MCU: variants seen among roughly 807,000 people sequenced by gnomAD.
MCU encodes mitochondrial calcium uniporter, also known as calcium uniporter protein, mitochondrial.
A neutral mutation model predicts 45.2 loss-of-function variants in MCU; 12 were observed. The observed-to-expected ratio is 0.27, with a 90% CI of 0.17 to 0.43. The LOEUF (loss-of-function observed/expected upper bound fraction) is 0.43. Ranked by LOEUF, MCU falls within the 20% of genes least tolerant of loss-of-function variation. The pLI is 1.00. For synonymous variants in MCU, 160 were observed against 165.1 expected, an observed-to-expected ratio of 0.97 and a Z score of 0.24; for missense variants, 324 against 436.7, an observed-to-expected ratio of 0.74 and a Z score of 2.30.
At chr10:72,699,489 A>G (rs928163832) in intron 1 of MCU, among the ~76,000 whole-genome samples, 3 of 152,084 alleles carry the variant, frequency 2.0e-5, no homozygotes, top group Non-Finnish European at 2.9e-5. Flanking sequence ...CCTGGGTGAC[A>G]GAGCAACACT....
At chr10:72,826,506 G>A (rs757659673) in intron 1 of MCU, among the ~76,000 whole-genome samples, 1 of 152,166 alleles carries the variant, frequency 6.6e-6, no homozygotes. Flanking sequence ...ATATTGTTAT[G>A]TCAGCAAATG....
intron 2 of MCU, among the ~76,000 whole-genome samples, chr10:72,850,724 T>C (rs1432326691): frequency 6.6e-6 from 1 of 152,262 alleles, no homozygotes; most frequent in Non-Finnish European, 1.5e-5. Context: ...AAATCTGTTA[T>C]CATGTTCTAG....
chr10:72,730,732 A>C (rs957383155), intron 1 of MCU: 1 of 152,212 alleles, frequency 6.6e-6, no homozygotes, highest in Non-Finnish European at 1.5e-5. Flanking sequence ...GAGAAGACAA[A>C]ATCCCTTTTC....
intron 6 of MCU, among the ~76,000 whole-genome samples, chr10:72,882,025 A>T (rs1013112630): frequency 3.3e-5 from 5 of 152,236 alleles, no homozygotes; most frequent in African/African-American, 1.2e-4. Context: ...TGAAGATTTC[A>T]TGGACATTTA....
chr10:72,833,897 C>T (rs1001115533), intron 1 of MCU, among the ~76,000 whole-genome samples: 2 of 152,128 alleles, frequency 1.3e-5, no homozygotes, highest in Admixed American at 1.3e-4. Flanking sequence ...GACCAGATGC[C>T]TACTCAATAA....
intron 1 of MCU, among the ~76,000 whole-genome samples, chr10:72,733,661 G>A (rs1219070121): frequency 3.4e-5 from 5 of 145,150 alleles, no homozygotes; most frequent in African/African-American, 1.3e-4. Flanking sequence ...TCTGTTGGTG[G>A]TACCCGATAT....
chr10:72,778,212 G>A (rs1480995484), intron 1 of MCU, among the ~76,000 whole-genome samples: 1 of 152,092 alleles, frequency 6.6e-6, no homozygotes, highest in Non-Finnish European at 1.5e-5. Flanking sequence ...ATTTTTAAGG[G>A]TTATCTGCAC....
At chr10:72,770,737 T>C (rs555333184) in intron 1 of MCU, among the ~76,000 whole-genome samples, 1 of 152,150 alleles carries the variant, frequency 6.6e-6, no homozygotes, top group Non-Finnish European at 1.5e-5. Flanking sequence ...CTACTTACTT[T>C]CTTTGTTCTG....
chr10:72,801,223 T>G (rs1469760781), intron 1 of MCU, among the ~76,000 whole-genome samples: 1 of 152,206 alleles, frequency 6.6e-6, no homozygotes, highest in Admixed American at 6.5e-5. Context: ...AAATTTATAG[T>G]ACTTTTCGTG....
chr10:72,784,190 C>T (rs904700361), intron 1 of MCU, among the ~76,000 whole-genome samples: 1 of 152,160 alleles, frequency 6.6e-6, no homozygotes, highest in Non-Finnish European at 1.5e-5. Flanking sequence ...CTTCTGCTCC[C>T]TCTTGAGAAC....
intron 1 of MCU, among the ~76,000 whole-genome samples, chr10:72,693,822 G>C (rs1167526439): frequency 6.6e-6 from 1 of 152,174 alleles, no homozygotes; most frequent in Non-Finnish European, 1.5e-5. Context: ...CCCAAATTTT[G>C]ATTGCATTCC....
chr10:72,772,820 G>A (rs756292944), intron 1 of MCU, among the ~76,000 whole-genome samples: 3 of 152,210 alleles, frequency 2.0e-5, no homozygotes, highest in Non-Finnish European at 4.4e-5. Context: ...AAAGGACAAA[G>A]CAAAAATCCA....
chr10:72,868,595 C>A, intron 4 of MCU, 108 bp from the exon 5 acceptor site: 34 of 850,856 alleles, frequency 4.0e-5, no homozygotes, highest in South Asian at 9.9e-5. Context: ...TTCAGTTTAA[C>A]ACTGAAGGTG....
At chr10:72,724,507 C>G (rs183333124) in intron 1 of MCU, among the ~76,000 whole-genome samples, 66 of 152,212 alleles carry the variant, frequency 4.3e-4, no homozygotes, top group Non-Finnish European at 6.3e-4. Flanking sequence ...TCTACCACCA[C>G]CCCCTCCCCC....
Position 72,692,270 on chromosome 10 carries a change from G to A in MCU, c.119G>A (p.Ser40Asn). The A allele has an allele frequency of 8.1e-7, 1 of 1,229,510 alleles. No individual in the cohort carries two copies. Among genetic ancestry groups the A allele is most frequent in the Non-Finnish European group, 1.0e-6 (1 of 983,758 alleles). The allele number at this position is 1,229,510 out of a possible 1,614,324, so 76.2% of individuals were successfully genotyped here. ...TAGCFPGLGV[S>N]RHRQQQHHRT... ...GGCTGCTTCCCTGGGCTGGGCGTCA[G>A]CCGCCACCGGCAGCAGCAGCACCAC... is the stretch of plus-strand genomic sequence containing the variant. Residue 40 changes from serine to asparagine, a missense_variant, in exon 1 of 8, where the codon AGC becomes AAC. Around this residue, in one of 4 missense-constraint regions of MCU, gnomAD observed 111 missense variants for 112.3 expected, o/e 0.99. Coordinates refer to ENST00000373053, the MANE Select transcript of MCU (RefSeq NM_138357.3).
chr10:72,865,954 T>A (rs943570716), intron 4 of MCU, among the ~76,000 whole-genome samples: 3 of 151,942 alleles, frequency 2.0e-5, no homozygotes, highest in Admixed American at 2.0e-4. Flanking sequence ...TTTTTTTGTA[T>A]TTTTAGTAGA....
chr10:72,775,117 G>A (rs1024771521), intron 1 of MCU, among the ~76,000 whole-genome samples: 2 of 151,694 alleles, frequency 1.3e-5, no homozygotes. Flanking sequence ...CACATCAAAC[G>A]TTTTCTAGAA....
At chr10:72,739,076 A>C (rs1843289125) in intron 1 of MCU, among the ~76,000 whole-genome samples, 1 of 152,214 alleles carries the variant, frequency 6.6e-6, no homozygotes, top group African/African-American at 2.4e-5. Flanking sequence ...GTATGGTTTA[A>C]ATGTCATGCC....
chr10:72,745,136 T>G (rs1438891835), intron 1 of MCU, among the ~76,000 whole-genome samples: 1 of 152,218 alleles, frequency 6.6e-6, no homozygotes, highest in Non-Finnish European at 1.5e-5. Context: ...TCAAAATAAT[T>G]TAATTCAGTT....
Sources: gnomAD v4.1 joint callset for allele counts (sites outside exome capture counted in the v4.1 genomes callset) on GRCh38, gnomAD v4.1.1 for gene constraint, gnomAD v4.1.1 regional missense constraint, MANE v1.5 for transcripts, NCBI Gene and HGNC (gene_info 2026-07-23, HGNC 2026-07-21) for gene names.